BAZ1B: variants seen among roughly 807,000 people sequenced by gnomAD.
BAZ1B encodes the protein bromodomain adjacent to zinc finger domain 1B.
In BAZ1B, 22 loss-of-function variants were observed where a neutral mutation model predicts 153.8. The ratio of observed to expected loss-of-function variants is 0.14; its 90% CI spans 0.10 to 0.20. The LOEUF (loss-of-function observed/expected upper bound fraction) is 0.20. BAZ1B is among the 10% of genes least tolerant of loss of function. The probability of loss-of-function intolerance (pLI) is 1.00; values close to 1 mark genes in which losing one functional copy is unlikely to be tolerated. For synonymous variants in BAZ1B, 676 were observed against 633.4 expected (o/e 1.07, Z -1.01); for missense variants, 1,325 against 1,799.3 (o/e 0.74, Z 4.77).
At chr7:73,512,971 T>C (rs1343401691) in intron 1 of BAZ1B, among the ~76,000 whole-genome samples, 1 of 152,208 alleles carries the variant, frequency 6.6e-6, no homozygotes, top group African/African-American at 2.4e-5. Flanking sequence ...GTATTTATTT[T>C]TGACACAGGG....
At chr7:73,448,189 A>G (rs1787906969) in intron 15 of BAZ1B, among the ~76,000 whole-genome samples, 1 of 152,154 alleles carries the variant, frequency 6.6e-6, no homozygotes. Context: ...TTGTAGTCCT[A>G]GCTACTCGGG....
intron 2 of BAZ1B, among the ~76,000 whole-genome samples, chr7:73,509,143 G>A (rs1208822087): frequency 4.6e-5 from 7 of 151,820 alleles, no homozygotes; most frequent in African/African-American, 9.7e-5. Context: ...CCAACATGGC[G>A]AAACCCTGTC....
At chr7:73,511,007 C>A (rs1790555078) in intron 1 of BAZ1B, among the ~76,000 whole-genome samples, 155 bp from the exon 2 acceptor site, 1 of 152,148 alleles carries the variant, frequency 6.6e-6, no homozygotes, top group Non-Finnish European at 1.5e-5. Flanking sequence ...CGCAGTGGTT[C>A]ACGCCTGTAA....
intron 19 of BAZ1B, 52 bp downstream of exon 19, chr7:73,442,129 G>A (rs1290347027): frequency 1.2e-5 from 10 of 839,980 alleles, no homozygotes; most frequent in South Asian, 4.7e-5. Context: ...GGTCTTCCTC[G>A]CTCGCCTCCC....
At chr7:73,463,483 G>A (rs993005889) in intron 11 of BAZ1B, among the ~76,000 whole-genome samples, 5 of 151,402 alleles carry the variant, frequency 3.3e-5, no homozygotes, top group African/African-American at 7.3e-5. Flanking sequence ...CAATTCAAGC[G>A]ATCCTCTCCC....
At chr7:73,513,568 C>T (rs1334742722) in intron 1 of BAZ1B, among the ~76,000 whole-genome samples, 1 of 152,046 alleles carries the variant, frequency 6.6e-6, no homozygotes, top group East Asian at 1.9e-4. Flanking sequence ...AGAAGAGCAA[C>T]GGAACGGCTT....
chr7:73,458,501 C>A (rs551084515), intron 13 of BAZ1B, among the ~76,000 whole-genome samples: 12 of 151,760 alleles, frequency 7.9e-5, no homozygotes, highest in Admixed American at 7.2e-4. Flanking sequence ...CATGGTGAAA[C>A]CCCGTCTCTA....
chr7:73,470,580 G>A (rs1444668149), intron 7 of BAZ1B, 97 bp from the exon 8 acceptor site: 3 of 1,380,224 alleles, frequency 2.2e-6, no homozygotes, highest in Non-Finnish European at 2.9e-6. Context: ...CTAGTATACA[G>A]TAGTTATCAA....
intron 13 of BAZ1B, among the ~76,000 whole-genome samples, chr7:73,453,238 A>G (rs1290636458): frequency 6.6e-6 from 1 of 152,254 alleles, no homozygotes; most frequent in Non-Finnish European, 1.5e-5. Context: ...AATGCAGAAC[A>G]CTGCTGAACT....
chr7:73,509,361 G>A (rs762150970), intron 2 of BAZ1B, among the ~76,000 whole-genome samples: 14 of 151,824 alleles, frequency 9.2e-5, no homozygotes, highest in Non-Finnish European at 1.2e-4. Flanking sequence ...AACATTTTAC[G>A]AGTTTTAGGT....
Position 73,476,125 on chromosome 7 carries a change from A to G in BAZ1B, c.2593+743T>C, listed in dbSNP as rs1280207616. On this transcript the variant is annotated intron_variant, in intron 7 of 19. Transcript: ENST00000339594. The stretch of plus-strand genomic sequence containing the variant: ...CTAGAATAGCAAATCTATAGAGACA[A>G]AGTAGACTAGTGGTTGCTCAGGGCT... Among the ~76,000 whole-genome samples the G allele has an allele frequency of 2.6e-5, 4 of 152,190 alleles. No individual in the cohort carries two copies. The East Asian group carries it at 7.8e-4, about 30-fold the overall frequency.
At chr7:73,518,457 A>T (rs1420629158) in intron 1 of BAZ1B, among the ~76,000 whole-genome samples, 1 of 151,958 alleles carries the variant, frequency 6.6e-6, no homozygotes, top group African/African-American at 2.4e-5. Context: ...TAAAAATAAA[A>T]ATCAACGTAA....
intron 2 of BAZ1B, among the ~76,000 whole-genome samples, chr7:73,509,726 G>GT (rs1490791817): frequency 6.6e-6 from 1 of 151,644 alleles, no homozygotes; most frequent in Non-Finnish European, 1.5e-5. Flanking sequence ...AAACCAGGAA[G>GT]CGTTAACATG....
intron 3 of BAZ1B, among the ~76,000 whole-genome samples, chr7:73,505,434 T>C (rs1790298591): frequency 6.6e-6 from 1 of 152,204 alleles, no homozygotes; most frequent in African/African-American, 2.4e-5. Flanking sequence ...ACTTACTACA[T>C]GAGATAATCA....
chr7:73,470,026 A>G lies in BAZ1B; in HGVS notation c.2732+319T>C, dbSNP rs565831722. ...CCAGCCCTAATTTGTGTAACTACTA[A>G]TATTTCTCCTTTAGGTTTCACAAAA... On this transcript the variant is annotated intron_variant, in intron 8 of 19. Coordinates refer to ENST00000339594, the MANE Select transcript of BAZ1B (RefSeq NM_032408.4). Among the ~76,000 whole-genome samples the G allele has an allele frequency of 2.0e-5, 3 of 152,244 alleles. No individual in the cohort carries two copies. The South Asian group carries it at 6.2e-4, about 32-fold the overall frequency.
intron 3 of BAZ1B, among the ~76,000 whole-genome samples, chr7:73,507,532 C>A (rs1554577956): frequency 6.6e-6 from 1 of 151,932 alleles, no homozygotes; most frequent in African/African-American, 2.4e-5. Flanking sequence ...GCATGGATGA[C>A]AGACTAAGAC....
chr7:73,519,990 C>T (rs1271896057), intron 1 of BAZ1B, among the ~76,000 whole-genome samples: 1 of 152,070 alleles, frequency 6.6e-6, no homozygotes, highest in African/African-American at 2.4e-5. Context: ...GGCGGATCAC[C>T]TGAGGTCAGG....
intron 7 of BAZ1B, among the ~76,000 whole-genome samples, chr7:73,476,346 T>C (rs1322656086): frequency 6.6e-6 from 1 of 152,190 alleles, no homozygotes; most frequent in Non-Finnish European, 1.5e-5. Flanking sequence ...AAAGTTCAGA[T>C]TCGATGGAGC....
At chr7:73,479,535 T>C (rs1453764290) in intron 6 of BAZ1B, among the ~76,000 whole-genome samples, 1 of 149,448 alleles carries the variant, frequency 6.7e-6, no homozygotes, top group Admixed American at 6.7e-5. Flanking sequence ...AAAGAACTCA[T>C]TCCCACAACT....
Sources: allele counts gnomAD v4.1 joint callset (sites outside exome capture counted in the v4.1 genomes callset), GRCh38; gene constraint gnomAD v4.1.1; transcripts MANE v1.5; gene names NCBI Gene and HGNC (gene_info 2026-07-23, HGNC 2026-07-21).